The following PCDHGB2 variants were observed in gnomAD, a reference collection of about 807,000 sequenced individuals.
PCDHGB2 encodes the protein protocadherin gamma-B2.
PCDHGB2 carries 55 observed loss-of-function variants against 59.3 expected under a neutral mutation model. The observed-to-expected ratio is 0.93, with a 90% confidence interval of 0.75 to 1.16. The LOEUF (loss-of-function observed/expected upper bound fraction) is 1.16. PCDHGB2 is among the 50% of genes most tolerant of loss of function. The pLI is 0.00. For missense variants in PCDHGB2, 1,228 were observed against 1,198.5 expected, an observed-to-expected ratio of 1.02 and a Z score of -0.36; for synonymous variants, 516 against 512.0, an observed-to-expected ratio of 1.01 and a Z score of -0.11.
At chr5:141,413,550 A>C (rs2095653911) in intron 1 of PCDHGB2, 1 of 1,613,974 alleles carries the variant, frequency 6.2e-7, no homozygotes, top group Non-Finnish European at 8.5e-7. Context: ...GGATAGAAAT[A>C]GAAGTAACTG....
chr5:141,422,535 A>T lies in PCDHGB2; in HGVS notation c.2421+59979A>T, dbSNP rs760963618. On this transcript the variant is annotated intron_variant, in intron 1 of 3. Transcript: ENST00000522605. ...AGGGAAGCCCGCCTTTGTCTGCAGA[A>T]ACTCATGTCTGGCTGAATGTGGCAG... 20 of 1,613,826 alleles carry T rather than the reference A, an allele frequency of 1.2e-5. 1 individual carries two copies. Among genetic ancestry groups the T allele is most frequent in the Non-Finnish European group, 8.5e-7 (1 of 1,179,882 alleles).
Position 141,400,379 on chromosome 5 carries a change from G to C in PCDHGB2, c.2421+37823G>C, listed in dbSNP as rs759135733. 3 of 1,613,922 alleles carry C rather than the reference G, an allele frequency of 1.9e-6. No homozygotes were observed. The East Asian group carries it at 6.7e-5, about 36-fold the overall frequency. ...ACTTTGCCTTATTCCTACAACCTAT[G>C]TGTTGCACATACAGGAAAGACGGAG... On this transcript the variant is annotated intron_variant, in intron 1 of 3. Coordinates refer to ENST00000522605, the MANE Select transcript of PCDHGB2 (RefSeq NM_018923.3).
At chr5:141,471,111 C>T (rs529680278) in intron 1 of PCDHGB2, among the ~76,000 whole-genome samples, 1 of 146,150 alleles carries the variant, frequency 6.8e-6, no homozygotes, top group African/African-American at 2.6e-5. Flanking sequence ...TGCAGTGGTG[C>T]GATCTTACCT....
chr5:141,495,873 C>G (rs2099764359), intron 2 of PCDHGB2, among the ~76,000 whole-genome samples: 1 of 152,146 alleles, frequency 6.6e-6, no homozygotes, highest in Admixed American at 6.6e-5. Flanking sequence ...CTGCTTTCCT[C>G]TCTGTTCTTT....
chr5:141,364,548 A>T (rs1763399502), intron 1 of PCDHGB2: 2 of 1,613,988 alleles, frequency 1.2e-6, no homozygotes. Flanking sequence ...GGTAGGACGC[A>T]GCTTTTTGCC....
Position 141,486,914 on chromosome 5 carries a change from C to T in PCDHGB2, c.2422-7893C>T, listed in dbSNP as rs1469857080. On this transcript the variant is annotated intron_variant, in intron 1 of 3. Coordinates refer to ENST00000522605, the MANE Select transcript of PCDHGB2 (RefSeq NM_018923.3). This position sits in a 1 kb window ranked among gnomAD's most constrained non-coding sequence, Gnocchi z 5.0. ...TGGTTCCTTATGTCCCCAAGCACTG[C>T]CTCCATCAGTTGGTGCTGGCCACCT... The T allele has an allele frequency of 6.2e-7, 1 of 1,614,236 alleles. No individual in the cohort carries two copies.
At chr5:141,430,379 T>C (rs1174248880) in intron 1 of PCDHGB2, among the ~76,000 whole-genome samples, 1 of 149,570 alleles carries the variant, frequency 6.7e-6, no homozygotes, top group Non-Finnish European at 1.5e-5. Flanking sequence ...AAAAAGCTCA[T>C]TGGGAAAAAA....
intron 1 of PCDHGB2, chr5:141,393,467 C>G (rs1589192441): frequency 6.2e-7 from 1 of 1,614,044 alleles, no homozygotes; most frequent in East Asian, 2.2e-5. Flanking sequence ...CGGATGGCGG[C>G]AAGCCGCCTC....
chr5:141,476,281 T>G lies in PCDHGB2; in HGVS notation c.2422-18526T>G. On this transcript the variant is annotated intron_variant, in intron 1 of 3. Coordinates refer to ENST00000522605, the MANE Select transcript of PCDHGB2 (RefSeq NM_018923.3). This position sits in a 1 kb window ranked among gnomAD's most constrained non-coding sequence, Gnocchi z 7.6. ...TGGGCAACGTGGTCGCGAACCTTGGTTTGGATCTCGGTAGCCTCTCAGCCC... is the reference window on the plus strand; with the variant it reads ...TGGGCAACGTGGTCGCGAACCTTGGGTTGGATCTCGGTAGCCTCTCAGCCC... 1 of 1,614,048 alleles carries G rather than the reference T, an allele frequency of 6.2e-7. No homozygotes were observed. The highest frequency in any genetic ancestry group is 1.1e-5 in the South Asian group (1 of 91,062).
At chr5:141,375,575 G>A (rs1209081341) in intron 1 of PCDHGB2, 1 of 1,613,960 alleles carries the variant, frequency 6.2e-7, no homozygotes, top group East Asian at 2.2e-5. Context: ...CACCCTCCAG[G>A]GGGCGCCCCT....
At chr5:141,406,044 G>A (rs1473314165) in intron 1 of PCDHGB2, among the ~76,000 whole-genome samples, 1 of 151,228 alleles carries the variant, frequency 6.6e-6, no homozygotes, top group Non-Finnish European at 1.5e-5. Flanking sequence ...ATTGGTTGCA[G>A]TGGACTCATA....
In PCDHGB2 at chr5:141,433,172, G is replaced by C. The variant is rs147848043; in HGVS notation, c.2422-61635G>C. 533 of 1,610,720 alleles carry C rather than the reference G, an allele frequency of 3.3e-4. 5 individuals carry two copies. In the South Asian group the frequency reaches 5.0e-3, roughly 15 times the overall value. On this transcript the variant is annotated intron_variant, in intron 1 of 3. Transcript: ENST00000522605. ...TTCGGTATTTTCTAAAGACAGTCAT[G>C]GGTTAATTGAGGTGAGTTTATATCA...
rs1387152450 is a variant in PCDHGB2 at position 141,487,754 on chromosome 5, G to A, written c.2422-7053G>A. The A allele has an allele frequency of 1.3e-6, 2 of 1,552,036 alleles. No individual in the cohort carries two copies. Among genetic ancestry groups the A allele is most frequent in the Admixed American group, 3.9e-5 (2 of 50,970 alleles). ...CATTTTTGTAAGAGGTAACTATGTG[G>A]TAGACGCTGTGCTTTGTAACTGTTT... On this transcript the variant is annotated intron_variant, in intron 1 of 3. Transcript: ENST00000522605. This position sits in a 1 kb window ranked among gnomAD's most constrained non-coding sequence, Gnocchi z 5.0.
chr5:141,404,772 G>T, intron 1 of PCDHGB2: 2 of 1,613,820 alleles, frequency 1.2e-6, no homozygotes, highest in African/African-American at 1.3e-5. Flanking sequence ...CTCTCCTACC[G>T]CCTATTCAAG....
At chr5:141,467,050 G>T (rs6580189) in intron 1 of PCDHGB2, among the ~76,000 whole-genome samples, 42,616 of 146,752 alleles carry the variant, frequency 0.29, 6,868 homozygotes, top group African/African-American at 0.45. Flanking sequence ...ATGAATCAAT[G>T]TTTTCTTTTT....
chr5:141,477,315 C>G lies in PCDHGB2; in HGVS notation c.2422-17492C>G. 2 of 1,614,188 alleles carry G rather than the reference C, an allele frequency of 1.2e-6. No individual in the cohort carries two copies. Among genetic ancestry groups the G allele is most frequent in the African/African-American group, 2.7e-5 (2 of 75,042 alleles). On this transcript the variant is annotated intron_variant, in intron 1 of 3. Coordinates refer to ENST00000522605, the MANE Select transcript of PCDHGB2 (RefSeq NM_018923.3). The surrounding 1 kb of genome is among the most constrained non-coding windows in gnomAD (Gnocchi z 4.9). ...CCACCGGGTCTCCCTTTCAGCCTTA[C>G]TTCTTCCCTCAAGAATTACTTCACT...
chr5:141,454,693 A>G (rs951819293), intron 1 of PCDHGB2, among the ~76,000 whole-genome samples: 1 of 151,738 alleles, frequency 6.6e-6, no homozygotes, highest in Non-Finnish European at 1.5e-5. Context: ...GGCATGAGCC[A>G]CCATGCTCCA....
chr5:141,387,086 A>G (rs761672201), intron 1 of PCDHGB2, among the ~76,000 whole-genome samples: 4 of 152,226 alleles, frequency 2.6e-5, no homozygotes, highest in Non-Finnish European at 5.9e-5. Context: ...GCCTGTGATC[A>G]TCGAAATGAG....
chr5:141,384,817 CA>C (rs1780547722), intron 1 of PCDHGB2: 1 of 1,613,416 alleles, frequency 6.2e-7, no homozygotes, highest in Non-Finnish European at 8.5e-7. Flanking sequence ...TGCCCTCAAG[CA>C]GAGCCTCGTG....
Sources: allele counts gnomAD v4.1 joint callset (sites outside exome capture counted in the v4.1 genomes callset), GRCh38; gene constraint gnomAD v4.1.1; non-coding constraint Gnocchi (gnomAD v3.1); transcripts MANE v1.5; gene names NCBI Gene and HGNC (gene_info 2026-07-23, HGNC 2026-07-21).